The following SGPP2 variants were observed in gnomAD, a reference collection of about 807,000 sequenced individuals.
The protein encoded by SGPP2 is sphingosine 1-phosphate phosphohydrolase 2.
Under a neutral mutation model 33.9 loss-of-function variants are expected in SGPP2, and 30 were observed. The ratio of observed to expected loss-of-function variants is 0.89; its 90% CI spans 0.66 to 1.20. The LOEUF (loss-of-function observed/expected upper bound fraction) is 1.20, where lower values mean the gene tolerates loss of function less well. SGPP2 is among the 50% of genes most tolerant of loss of function. The pLI is 0.00. For missense variants in SGPP2, 458 were observed against 532.1 expected, an observed-to-expected ratio of 0.86 and a Z score of 1.37; for synonymous variants, 233 against 225.0, an observed-to-expected ratio of 1.04 and a Z score of -0.32.
chr2:222,561,870 T>G lies in SGPP2; in HGVS notation c.*2972T>G, dbSNP rs2106163788. On this transcript the variant is annotated 3_prime_UTR_variant, in exon 5 of 5. Transcript: ENST00000321276. ...CATTACCTGATTCACACCCTTGTCTTGCTAGCCCTCTTCCATTCATTTCTC... is the reference window on the plus strand; with the variant it reads ...CATTACCTGATTCACACCCTTGTCTGGCTAGCCCTCTTCCATTCATTTCTC... Among the ~76,000 whole-genome samples, 1 of 152,200 alleles carries G rather than the reference T, an allele frequency of 6.6e-6. No individual in the cohort carries two copies. Among genetic ancestry groups the G allele is most frequent in the East Asian group, 1.9e-4 (1 of 5,176 alleles).
intron 1 of SGPP2, among the ~76,000 whole-genome samples, chr2:222,467,950 GAAAAAAAAAAAAAAA>G (rs61253653): frequency 3.1e-3 from 77 of 24,868 alleles, no homozygotes; most frequent in East Asian, 7.2e-3. Context: ...GCTCTAATCT[GAAAAAAAAAAAAAAA>G]AAAAAAAAAA....
Position 222,561,831 on chromosome 2 carries a change from C to G in SGPP2, c.*2933C>G. Reference sequence around the variant, plus strand: ...TGGTGAGAATCAGACAAAAATTCATCGGGGTGAAAAAGGCATTACCTGATT... The same window carrying G: ...TGGTGAGAATCAGACAAAAATTCATGGGGGTGAAAAAGGCATTACCTGATT... On this transcript the variant is annotated 3_prime_UTR_variant, in exon 5 of 5. Transcript: ENST00000321276. Among the ~76,000 whole-genome samples, 1 of 39,110 alleles carries G rather than the reference C, an allele frequency of 2.6e-5. No homozygotes were observed. The highest frequency in any genetic ancestry group is 1.4e-3 in the South Asian group (1 of 732). The allele number at this position is 39,110 out of a possible 152,430, so 25.7% of individuals were successfully genotyped here.
chr2:222,433,926 T>G (rs1697196832), intron 1 of SGPP2, among the ~76,000 whole-genome samples: 1 of 152,222 alleles, frequency 6.6e-6, no homozygotes, highest in Non-Finnish European at 1.5e-5. Context: ...CTTTTTTGAC[T>G]TCTAATTAAG....
intron 1 of SGPP2, among the ~76,000 whole-genome samples, chr2:222,443,742 C>T (rs190674363): frequency 6.6e-6 from 1 of 152,090 alleles, no homozygotes; most frequent in East Asian, 1.9e-4. Context: ...CCTTTCAGGG[C>T]CTCACATGGC....
At chr2:222,546,950 G>T (rs567207183) in intron 4 of SGPP2, among the ~76,000 whole-genome samples, 1 of 152,026 alleles carries the variant, frequency 6.6e-6, no homozygotes, top group African/African-American at 2.4e-5. Context: ...GTGTCACCTG[G>T]GAGTTTGTCA....
At chr2:222,448,371 CTGCTTTGTG>C (rs1697427944) in intron 1 of SGPP2, among the ~76,000 whole-genome samples, 1 of 152,204 alleles carries the variant, frequency 6.6e-6, no homozygotes, top group African/African-American at 2.4e-5. Flanking sequence ...ATACCAGCAC[CTGCTTTGTG>C]TGCAAGCTGG....
At chr2:222,522,344 C>G (rs1331451631) in intron 3 of SGPP2, among the ~76,000 whole-genome samples, 1 of 152,156 alleles carries the variant, frequency 6.6e-6, no homozygotes, top group Non-Finnish European at 1.5e-5. Context: ...GATGATTCCA[C>G]CAAATCCCTC....
rs577761470 is a variant in SGPP2 at position 222,559,655 on chromosome 2, A to C, written c.*757A>C. ...ATTTTTGTAGAGACAGGGTTTCTCC[A>C]TGTTGCCCAGGTACGTCTGAAACTC... On this transcript the variant is annotated 3_prime_UTR_variant, in exon 5 of 5. Transcript: ENST00000321276. 2.6e-5 allele frequency: 4 copies of C among 152,288 alleles called. No individual in the cohort carries two copies. The highest frequency in any genetic ancestry group is 9.7e-5 in the African/African-American group (4 of 41,402). The allele number at this position is 152,288 out of a possible 1,614,324, so 9.4% of individuals were successfully genotyped here.
At chr2:222,510,993 A>C (rs1278239867) in intron 2 of SGPP2, among the ~76,000 whole-genome samples, 1 of 152,226 alleles carries the variant, frequency 6.6e-6, no homozygotes, top group Non-Finnish European at 1.5e-5. Flanking sequence ...ATGTTATTTC[A>C]AAATATTTTG....
chr2:222,518,412 T>C (rs577751898), intron 2 of SGPP2, among the ~76,000 whole-genome samples: 1 of 152,196 alleles, frequency 6.6e-6, no homozygotes, highest in Non-Finnish European at 1.5e-5. Flanking sequence ...ATTTTAAGTA[T>C]TTTTTTACCC....
At chr2:222,505,421 A>G (rs1293025149) in intron 2 of SGPP2, among the ~76,000 whole-genome samples, 4 of 152,238 alleles carry the variant, frequency 2.6e-5, no homozygotes, top group African/African-American at 9.6e-5. Context: ...GGTTAAATCA[A>G]GTGGGTCCAC....
chr2:222,529,273 T>G (rs1161331600), intron 4 of SGPP2, among the ~76,000 whole-genome samples: 2 of 152,218 alleles, frequency 1.3e-5, no homozygotes, highest in Non-Finnish European at 2.9e-5. Flanking sequence ...TATCATGAGA[T>G]TGCAGCAATT....
intron 4 of SGPP2, among the ~76,000 whole-genome samples, chr2:222,529,636 C>T (rs187125964): frequency 3.9e-5 from 6 of 152,278 alleles, no homozygotes; most frequent in Admixed American, 2.0e-4. Flanking sequence ...CACCCAGCCT[C>T]TTGCTATTTT....
intron 4 of SGPP2, among the ~76,000 whole-genome samples, chr2:222,525,502 C>A (rs1425558597): frequency 6.6e-6 from 1 of 152,206 alleles, no homozygotes; most frequent in Non-Finnish European, 1.5e-5. Context: ...TCCTTCCATA[C>A]TGTTTTAGGC....
rs867019125 is a variant in SGPP2 at position 222,482,881 on chromosome 2, G to A, written c.378+8155G>A. ...GGAGACCTGGACTGCAATCTTAGCA[G>A]TGAAACCTTCTTCAAGGAACTTGGA... On this transcript the variant is annotated intron_variant, in intron 2 of 4. Coordinates refer to ENST00000321276, the MANE Select transcript of SGPP2 (RefSeq NM_152386.4). Among the ~76,000 whole-genome samples, 33 of 152,332 alleles carry A rather than the reference G, an allele frequency of 2.2e-4. No individual in the cohort carries two copies. The Middle Eastern group carries it at 0.01, about 47-fold the overall frequency.
intron 3 of SGPP2, among the ~76,000 whole-genome samples, chr2:222,522,462 A>C (rs1037100692): frequency 6.6e-6 from 1 of 152,236 alleles, no homozygotes; most frequent in African/African-American, 2.4e-5. Flanking sequence ...GATGGCTCAA[A>C]GTTTTCTAGA....
chr2:222,491,177 C>T (rs936531366), intron 2 of SGPP2, among the ~76,000 whole-genome samples: 4 of 152,064 alleles, frequency 2.6e-5, no homozygotes, highest in Non-Finnish European at 1.5e-5. Flanking sequence ...ATCTGTCACC[C>T]AGGCTGGAGT....
At chr2:222,548,300 T>C (rs1434193172) in intron 4 of SGPP2, among the ~76,000 whole-genome samples, 3 of 152,376 alleles carry the variant, frequency 2.0e-5, no homozygotes, top group Middle Eastern at 3.4e-3. Context: ...AACACACTTA[T>C]AGAAAACCAT....
intron 1 of SGPP2, among the ~76,000 whole-genome samples, chr2:222,466,154 G>T (rs1697740937): frequency 6.6e-6 from 1 of 150,868 alleles, no homozygotes; most frequent in South Asian, 2.1e-4. Context: ...TTTAAAAATA[G>T]TCTTGTTTAT....
Sources: gnomAD v4.1 joint callset for allele counts (sites outside exome capture counted in the v4.1 genomes callset) on GRCh38, gnomAD v4.1.1 for gene constraint, MANE v1.5 for transcripts, NCBI Gene and HGNC (gene_info 2026-07-23, HGNC 2026-07-21) for gene names.